ATM: variants seen among roughly 807,000 people sequenced by gnomAD.
ATM encodes serine-protein kinase ATM.
ATM carries 308 observed loss-of-function variants against 387.0 expected under a neutral mutation model. The observed-to-expected ratio is 0.80, with a 90% CI of 0.73 to 0.87. The LOEUF (loss-of-function observed/expected upper bound fraction) is 0.87. ATM is among the 40% of genes least tolerant of loss of function. The probability of loss-of-function intolerance (pLI) is 0.00; values close to 1 mark genes in which losing one functional copy is unlikely to be tolerated. For missense variants in ATM, 3,312 were observed against 3,560.9 expected, an observed-to-expected ratio of 0.93 and a Z score of 1.78; for synonymous variants, 1,156 against 1,187.3, an observed-to-expected ratio of 0.97 and a Z score of 0.54.
chr11:108,300,003 CTT>C, intron 34 of ATM, 118 bp downstream of exon 34: 1 of 985,590 alleles, frequency 1.0e-6, no homozygotes, highest in East Asian at 2.6e-5. Flanking sequence ...ATCTCAGTGT[CTT>C]TATGAAAATT....
rs2135369797 is a variant in ATM at position 108,253,959 on chromosome 11, G to T, written c.2044G>T (p.Val682Phe). The change falls in exon 13 of 63, where the codon GTC (valine) becomes TTC (phenylalanine). Residue 682 changes from valine (V) to phenylalanine (F), a missense_variant. Val to Phe is a conservative substitution (Grantham distance 50, BLOSUM62 -1). Transcript: ENST00000675843. ...EKHQSSIGFS[V>F]HQNLKESLDR... ...GCACCAGTCCAGTATTGGCTTCTCT[G>T]TCCACCAGAATCTCAAGGAATCACT... 5 of 1,614,082 alleles carry T rather than the reference G, an allele frequency of 3.1e-6. No individual in the cohort carries two copies. The highest frequency in any genetic ancestry group is 4.2e-6 in the Non-Finnish European group (5 of 1,180,000).
intron 1 of ATM, chr11:108,224,758 C>G (rs560351259): frequency 6.6e-6 from 1 of 152,230 alleles, no homozygotes; most frequent in South Asian, 2.1e-4. Flanking sequence ...CAGTTATTTT[C>G]TATTACTGTG....
At position 108,287,607 on chromosome 11, in the gene ATM, A is replaced by G. The variant is rs780865776; in HGVS notation, c.4001A>G (p.His1334Arg). The change falls in exon 27 of 63, where the codon CAC (histidine) becomes CGC (arginine). Residue 1334 changes from histidine to arginine, a missense_variant. By Grantham distance (29) the His-to-Arg change is conservative. Coordinates refer to ENST00000675843, the MANE Select transcript of ATM (RefSeq NM_000051.4). ...SENLLGKQID[H>R]LFISNLPEIV... is the part of the protein sequence containing the mutation. Reference sequence around the variant, plus strand: ...AATTTTGTGCCCTTGCAGATTGATCACTTATTCATTAGTAATTTACCAGAG... The same window carrying G: ...AATTTTGTGCCCTTGCAGATTGATCGCTTATTCATTAGTAATTTACCAGAG... 2 of 1,607,660 alleles carry G rather than the reference A, an allele frequency of 1.2e-6. No individual in the cohort carries two copies. Among genetic ancestry groups the G allele is most frequent in the Admixed American group, 3.3e-5 (2 of 60,014 alleles).
intron 37 of ATM, 122 bp downstream of exon 37, chr11:108,304,974 T>G (rs572146934): frequency 2.5e-6 from 3 of 1,221,032 alleles, no homozygotes; most frequent in East Asian, 2.5e-5. Context: ...AATTTGTTTC[T>G]TCATCTATGG....
intron 35 of ATM, 52 bp downstream of exon 35, chr11:108,301,841 C>G (rs763073812): frequency 6.3e-7 from 1 of 1,587,310 alleles, no homozygotes; most frequent in Non-Finnish European, 8.6e-7. Flanking sequence ...TAAAACAGTT[C>G]TGTTTGCTGT....
chr11:108,297,087 GC>G, intron 32 of ATM, 199 bp from the exon 33 acceptor site: 1 of 563,450 alleles, frequency 1.8e-6, no homozygotes, highest in South Asian at 2.1e-5. Context: ...GTCACATATT[GC>G]TAATCACTTT....
At chr11:108,231,389 C>T (rs372531119) in intron 4 of ATM, 2 of 151,934 alleles carry the variant, frequency 1.3e-5, no homozygotes, top group African/African-American at 4.8e-5. Context: ...TTTGTGATAC[C>T]AACTCTTAAT....
At chr11:108,293,280 C>G (rs2135808622) in intron 30 of ATM, 33 bp from the exon 31 acceptor site, 1 of 1,288,692 alleles carries the variant, frequency 7.8e-7, no homozygotes, top group Non-Finnish European at 1.1e-6. Flanking sequence ...TTATTTCTCT[C>G]CTTATAATTT....
At chr11:108,329,546 TG>T (rs776123508) in intron 49 of ATM, among the ~76,000 whole-genome samples, 1 of 152,052 alleles carries the variant, frequency 6.6e-6, no homozygotes, top group Non-Finnish European at 1.5e-5. Context: ...CCGAAATAGC[TG>T]GGGCTACAGG....
intron 61 of ATM, 177 bp downstream of exon 61, chr11:108,355,051 T>G (rs1456704459): frequency 4.9e-6 from 3 of 615,438 alleles, no homozygotes; most frequent in Non-Finnish European, 8.7e-6. Context: ...AAATACTGGT[T>G]TAGAAATGCC....
At chr11:108,266,910 C>T (rs2081282113) in intron 16 of ATM, among the ~76,000 whole-genome samples, 1 of 151,826 alleles carries the variant, frequency 6.6e-6, no homozygotes, top group South Asian at 2.1e-4. Context: ...ATTCTCCTGC[C>T]TCAGCTTCCT....
chr11:108,223,989 C>T (rs1421289836), intron 1 of ATM: 1 of 152,172 alleles, frequency 6.6e-6, no homozygotes, highest in Non-Finnish European at 1.5e-5. Context: ...ACCAAGAAAA[C>T]AAAGCTGTTT....
intron 61 of ATM, among the ~76,000 whole-genome samples, chr11:108,362,433 G>T (rs1227344442): frequency 1.3e-5 from 2 of 151,716 alleles, no homozygotes; most frequent in Non-Finnish European, 2.9e-5. Flanking sequence ...ATTTGACCCA[G>T]CCATCCCATT....
Position 108,247,057 on chromosome 11 carries a change from A to G in ATM, c.995A>G (p.Tyr332Cys), listed in dbSNP as rs1060501664. ...EISHIGSRGK[Y>C]SSGFRNIAVK... ...AGTCATATAGGAAGTAGAGGAAAGT[A>G]TTCTTCAGGATTTCGTAATATTGCC... is the stretch of plus-strand genomic sequence containing the variant. Residue 332 changes from tyrosine to cysteine, a missense_variant, in exon 8 of 63, where the codon TAT becomes TGT. Tyr to Cys is a radical substitution (Grantham distance 194). This residue lies in a region of ATM where 1,791 missense variants were observed against 1,804.5 expected (regional missense o/e 0.99). Coordinates refer to ENST00000675843, the MANE Select transcript of ATM (RefSeq NM_000051.4). The G allele has an allele frequency of 6.2e-7, 1 of 1,613,902 alleles. No individual in the cohort carries two copies. Among genetic ancestry groups the G allele is most frequent in the South Asian group, 1.1e-5 (1 of 91,082 alleles).
intron 42 of ATM, among the ~76,000 whole-genome samples, chr11:108,316,805 A>C (rs1034351735): frequency 6.7e-6 from 1 of 149,600 alleles, no homozygotes; most frequent in South Asian, 2.1e-4. Context: ...GGGTGCCTGT[A>C]GGCCCAGCTA....
In ATM at chr11:108,272,678, A is replaced by T. The variant is rs542101319; in HGVS notation, c.3154-44A>T. 6 of 1,613,204 alleles carry T rather than the reference A, an allele frequency of 3.7e-6. No homozygotes were observed. In the South Asian group the frequency reaches 6.6e-5, roughly 18 times the overall value. On this transcript the variant is annotated intron_variant, in intron 21 of 62. Transcript: ENST00000675843. ...AAGCAGTCTTTGTTTGTTAATGAGTAATTTTTCTCTATTTCATATTTAACC... is the reference window on the plus strand; with the variant it reads ...AAGCAGTCTTTGTTTGTTAATGAGTTATTTTTCTCTATTTCATATTTAACC...
At chr11:108,297,447 T>A (rs1271562437) in intron 33 of ATM, 65 bp downstream of exon 33, 18 of 1,279,384 alleles carry the variant, frequency 1.4e-5, no homozygotes, top group Non-Finnish European at 2.0e-5. Flanking sequence ...GGACAGATTA[T>A]AATACTGTAT....
At chr11:108,352,457 T>C (rs930276730) in intron 59 of ATM, among the ~76,000 whole-genome samples, 1 of 152,116 alleles carries the variant, frequency 6.6e-6, no homozygotes, top group African/African-American at 2.4e-5. Flanking sequence ...CCGTAGAAAT[T>C]ACCCAAGCTG....
intron 24 of ATM, 44 bp from the exon 25 acceptor site, chr11:108,282,665 AT>A (rs2135685036): frequency 2.6e-6 from 4 of 1,563,106 alleles, no homozygotes; most frequent in Non-Finnish European, 3.5e-6. Context: ...TAAATGATTT[AT>A]TTTTTTCATT....
Sources: allele counts gnomAD v4.1 joint callset (sites outside exome capture counted in the v4.1 genomes callset), GRCh38; gene constraint gnomAD v4.1.1; regional missense constraint gnomAD v4.1.1; transcripts MANE v1.5; gene names NCBI Gene and HGNC (gene_info 2026-07-23, HGNC 2026-07-21).